CAMK1D: variants seen among roughly 807,000 people sequenced by gnomAD.
CAMK1D encodes calcium/calmodulin-dependent protein kinase type 1D.
CAMK1D carries 9 observed loss-of-function variants against 47.7 expected under a neutral mutation model. That is an observed-to-expected ratio of 0.19 (90% CI 0.11 to 0.33). The LOEUF (loss-of-function observed/expected upper bound fraction) is 0.33. Ranked by LOEUF, CAMK1D falls within the 10% of genes least tolerant of loss-of-function variation. The pLI, the probability that CAMK1D is intolerant of heterozygous loss-of-function variation, is 1.00. For missense variants in CAMK1D, 291 were observed against 488.7 expected, an observed-to-expected ratio of 0.60 and a Z score of 3.81; for synonymous variants, 184 against 184.9, an observed-to-expected ratio of 0.99 and a Z score of 0.04.
At chr10:12,549,287 C>A (rs1469139954) in intron 1 of CAMK1D, among the ~76,000 whole-genome samples, 1 of 152,234 alleles carries the variant, frequency 6.6e-6, no homozygotes, top group Non-Finnish European at 1.5e-5. Flanking sequence ...ACTTTGGACA[C>A]CTCCTGTAAG....
At chr10:12,397,489 C>T (rs139849953) in intron 1 of CAMK1D, among the ~76,000 whole-genome samples, 864 of 152,310 alleles carry the variant, frequency 5.7e-3, no homozygotes, top group Middle Eastern at 0.01. Flanking sequence ...AGGCCACTCT[C>T]CCCAGTCCTA....
At chr10:12,571,472 GAA>G (rs1171267177) in intron 2 of CAMK1D, among the ~76,000 whole-genome samples, 2 of 119,954 alleles carry the variant, frequency 1.7e-5, no homozygotes, top group African/African-American at 6.2e-5. Context: ...AAAAAAAAAA[GAA>G]AAAAAAGAAA....
intron 3 of CAMK1D, among the ~76,000 whole-genome samples, chr10:12,705,305 A>T (rs1485333522): frequency 2.0e-5 from 3 of 152,064 alleles, no homozygotes; most frequent in Non-Finnish European, 1.5e-5. Flanking sequence ...TACTAAAAAT[A>T]CAAAAATTAG....
intron 4 of CAMK1D, among the ~76,000 whole-genome samples, chr10:12,762,839 G>A (rs1444378131): frequency 8.5e-5 from 13 of 152,164 alleles, no homozygotes; most frequent in Admixed American, 5.9e-4. Flanking sequence ...CCAGGCCTCC[G>A]GGCCTTCTCT....
intron 6 of CAMK1D, among the ~76,000 whole-genome samples, chr10:12,809,438 A>C (rs1832512348): frequency 6.6e-6 from 1 of 152,150 alleles, no homozygotes; most frequent in African/African-American, 2.4e-5. Context: ...AGAGATTAAC[A>C]CTCCCATGTT....
chr10:12,690,760 G>A (rs1202560318), intron 3 of CAMK1D, among the ~76,000 whole-genome samples: 1 of 152,130 alleles, frequency 6.6e-6, no homozygotes, highest in Non-Finnish European at 1.5e-5. Context: ...CGGGGGTGAG[G>A]GTCATGGGGA....
chr10:12,720,422 C>T (rs1834327214), intron 3 of CAMK1D, among the ~76,000 whole-genome samples: 1 of 152,248 alleles, frequency 6.6e-6, no homozygotes, highest in African/African-American at 2.4e-5. Flanking sequence ...TTGAACTTCA[C>T]AGACATGCTG....
chr10:12,645,400 C>A (rs904729070), intron 2 of CAMK1D, among the ~76,000 whole-genome samples: 2 of 152,186 alleles, frequency 1.3e-5, no homozygotes, highest in African/African-American at 4.8e-5. Flanking sequence ...CAACAAAGTA[C>A]AAACGTCAAA....
intron 1 of CAMK1D, among the ~76,000 whole-genome samples, chr10:12,414,975 A>T (rs1460677990): frequency 6.6e-6 from 1 of 152,198 alleles, no homozygotes; most frequent in East Asian, 1.9e-4. Context: ...CGGGAAAAAA[A>T]ATCTAGTTAA....
chr10:12,542,716 G>T (rs1054207372), intron 1 of CAMK1D, among the ~76,000 whole-genome samples: 2 of 152,164 alleles, frequency 1.3e-5, no homozygotes, highest in African/African-American at 2.4e-5. Context: ...TATGAGAAAA[G>T]AATTTATTTT....
intron 3 of CAMK1D, among the ~76,000 whole-genome samples, chr10:12,734,419 C>CACACACAT (rs1379206070): frequency 0.017 from 192 of 11,302 alleles, 4 homozygotes; most frequent in African/African-American, 0.026. Context: ...CACACACACA[C>CACACACAT]ATGTATATAT....
chr10:12,645,862 A>T (rs1839797523), intron 2 of CAMK1D, among the ~76,000 whole-genome samples: 1 of 152,236 alleles, frequency 6.6e-6, no homozygotes. Flanking sequence ...CAATGTTCCC[A>T]AGAAAATGTA....
chr10:12,529,284 A>G (rs1835728578), intron 1 of CAMK1D, among the ~76,000 whole-genome samples: 1 of 152,184 alleles, frequency 6.6e-6, no homozygotes, highest in African/African-American at 2.4e-5. Flanking sequence ...CAAATACTCA[A>G]GAGAGGGTGG....
intron 2 of CAMK1D, among the ~76,000 whole-genome samples, chr10:12,584,068 T>C (rs1837743458): frequency 6.6e-6 from 1 of 152,200 alleles, no homozygotes; most frequent in Admixed American, 6.5e-5. Context: ...TTTTTATCTT[T>C]GCATGCTTAG....
intron 8 of CAMK1D, among the ~76,000 whole-genome samples, chr10:12,816,744 C>A (rs778248156): frequency 4.0e-5 from 6 of 151,674 alleles, no homozygotes; most frequent in Non-Finnish European, 7.4e-5. Flanking sequence ...TGGTGGCGCG[C>A]GCCTGTAATC....
chr10:12,359,103 G>T (rs989792154), intron 1 of CAMK1D, among the ~76,000 whole-genome samples: 11 of 152,160 alleles, frequency 7.2e-5, no homozygotes, highest in African/African-American at 2.7e-4. Flanking sequence ...ACACGGATAT[G>T]GGTGGAAATC....
At chr10:12,607,027 C>T (rs1838482333) in intron 2 of CAMK1D, among the ~76,000 whole-genome samples, 1 of 152,088 alleles carries the variant, frequency 6.6e-6, no homozygotes. Context: ...GGGGTTTCAC[C>T]ATGTTGGCCA....
intron 3 of CAMK1D, among the ~76,000 whole-genome samples, chr10:12,750,128 C>G (rs1158386615): frequency 1.3e-5 from 2 of 152,174 alleles, no homozygotes; most frequent in Non-Finnish European, 2.9e-5. Context: ...GGCTTTAAAA[C>G]TATTATCTGT....
chr10:12,799,694 G>A (rs564851157), intron 6 of CAMK1D, among the ~76,000 whole-genome samples: 3 of 152,280 alleles, frequency 2.0e-5, no homozygotes, highest in African/African-American at 7.2e-5. Flanking sequence ...GAGCTGCTCT[G>A]AAAGTGGTTT....
Sources: allele counts gnomAD v4.1 joint callset (sites outside exome capture counted in the v4.1 genomes callset), GRCh38; gene constraint gnomAD v4.1.1; transcripts MANE v1.5; gene names NCBI Gene and HGNC (gene_info 2026-07-23, HGNC 2026-07-21).